ZNF540: variants seen among roughly 807,000 people sequenced by gnomAD.
ZNF540 encodes CTD-3064H18.6.
Under a neutral mutation model 11.8 loss-of-function variants are expected in ZNF540, and 3 were observed. That is an observed-to-expected ratio of 0.25 (90% CI 0.12 to 0.65). The LOEUF is 0.65. ZNF540 is among the 30% of genes least tolerant of loss of function. The probability of loss-of-function intolerance (pLI) is 0.83; values close to 1 mark genes in which losing one functional copy is unlikely to be tolerated. For missense variants in ZNF540, 709 were observed against 793.1 expected, an observed-to-expected ratio of 0.89 and a Z score of 1.27; for synonymous variants, 247 against 259.0, an observed-to-expected ratio of 0.95 and a Z score of 0.45.
chr19:37,565,366 C>T (rs1568340367), intron 1 of ZNF540: 1 of 1,613,784 alleles, frequency 6.2e-7, no homozygotes, highest in East Asian at 2.2e-5. Context: ...TATGAATTCT[C>T]TGATGTTCAT....
intron 4 of ZNF540, among the ~76,000 whole-genome samples, chr19:37,606,172 C>A (rs1446428638): frequency 6.6e-6 from 1 of 152,174 alleles, no homozygotes; most frequent in Non-Finnish European, 1.5e-5. Flanking sequence ...TGGGATCATG[C>A]AATGTACAGT....
At chr19:37,592,834 G>A (rs1002288387), upstream of ZNF540, among the ~76,000 whole-genome samples, 7 of 152,214 alleles carry the variant, frequency 4.6e-5, no homozygotes. Flanking sequence ...GCAGTATACA[G>A]AATATTCTAC....
intron 1 of ZNF540, chr19:37,560,305 A>T (rs190573815): frequency 2.6e-5 from 4 of 152,160 alleles, no homozygotes; most frequent in Admixed American, 6.5e-5. Flanking sequence ...AATATAAATA[A>T]AAATAAATTT....
chr19:37,588,061 C>A (rs1267379411), intron 1 of ZNF540, among the ~76,000 whole-genome samples: 3 of 131,410 alleles, frequency 2.3e-5, no homozygotes, highest in Non-Finnish European at 4.7e-5. Flanking sequence ...GATTGCGCCA[C>A]TGCACTCCAG....
chr19:37,564,817 CT>C (rs750083955), intron 1 of ZNF540: 1 of 1,613,822 alleles, frequency 6.2e-7, no homozygotes, highest in South Asian at 1.1e-5. Context: ...GAATAAAAGC[CT>C]TCCCACACTG....
chr19:37,607,939 G>A (rs527590506), intron 4 of ZNF540, among the ~76,000 whole-genome samples: 1 of 152,350 alleles, frequency 6.6e-6, no homozygotes, highest in East Asian at 1.9e-4. Flanking sequence ...ATGAATGAGA[G>A]TTCCTGTTGC....
intron 1 of ZNF540, among the ~76,000 whole-genome samples, chr19:37,572,383 T>C (rs1568347370): frequency 6.6e-6 from 1 of 152,258 alleles, no homozygotes. Context: ...TTCTGAATAG[T>C]ATGATGAAAT....
intron 1 of ZNF540, among the ~76,000 whole-genome samples, chr19:37,561,250 C>T (rs147628431): frequency 6.6e-6 from 1 of 151,760 alleles, no homozygotes; most frequent in East Asian, 1.9e-4. Flanking sequence ...AAAGACAAAA[C>T]CCTTATAAAA....
intron 2 of ZNF540, 38 bp from the exon 3 acceptor site, chr19:37,599,588 T>A: frequency 1.2e-6 from 2 of 1,613,212 alleles, no homozygotes; most frequent in Non-Finnish European, 1.7e-6. Context: ...ATACTTGTTC[T>A]GTAATTTCAC....
At chr19:37,559,046 C>T (rs1299647890) in intron 1 of ZNF540, among the ~76,000 whole-genome samples, 1 of 152,076 alleles carries the variant, frequency 6.6e-6, no homozygotes, top group Non-Finnish European at 1.5e-5. Flanking sequence ...TTTTCACTAA[C>T]TTGCCAAGGC....
intron 1 of ZNF540, among the ~76,000 whole-genome samples, chr19:37,568,885 A>C (rs2042961293): frequency 1.3e-5 from 2 of 152,046 alleles, no homozygotes; most frequent in Admixed American, 1.3e-4. Flanking sequence ...GTCCTACTGA[A>C]TATATCTCCT....
intron 1 of ZNF540, chr19:37,565,287 G>A: frequency 6.2e-7 from 1 of 1,611,044 alleles, no homozygotes; most frequent in East Asian, 2.2e-5. Flanking sequence ...ACTCTCAGGT[G>A]GTAAGTAAGT....
intron 4 of ZNF540, among the ~76,000 whole-genome samples, chr19:37,603,314 G>A (rs181561421): frequency 1.6e-3 from 249 of 152,222 alleles, no homozygotes; most frequent in African/African-American, 5.8e-3. Flanking sequence ...TCTATTTCAA[G>A]ATGTGAGATT....
At chr19:37,559,059 G>A (rs1400412871) in intron 1 of ZNF540, among the ~76,000 whole-genome samples, 2 of 151,922 alleles carry the variant, frequency 1.3e-5, no homozygotes, top group African/African-American at 4.8e-5. Flanking sequence ...GCCAAGGCTG[G>A]TCTCAAACTC....
At chr19:37,566,775 C>A (rs2042876145) in intron 1 of ZNF540, among the ~76,000 whole-genome samples, 1 of 152,150 alleles carries the variant, frequency 6.6e-6, no homozygotes, top group Non-Finnish European at 1.5e-5. Context: ...ATACAGCAGC[C>A]AGAGGAATTC....
At chr19:37,553,859 C>T (rs934353658) in intron 1 of ZNF540, among the ~76,000 whole-genome samples, 5 of 152,112 alleles carry the variant, frequency 3.3e-5, no homozygotes, top group African/African-American at 4.8e-5. Context: ...AACTCAATTA[C>T]TTTTTCAAGA....
intron 1 of ZNF540, chr19:37,565,422 T>TGTAAGGCTTTTCACCAGTATGAACTCTC: frequency 1.2e-6 from 2 of 1,612,996 alleles, no homozygotes; most frequent in Non-Finnish European, 1.7e-6. Context: ...TCTTTACATA[T>TGTAAGGCTTTTCACCAGTATGAACTCTC]GTAAGGCTTT....
intron 1 of ZNF540, chr19:37,555,881 G>A (rs1479509829): frequency 4.3e-6 from 3 of 700,608 alleles, no homozygotes; most frequent in Non-Finnish European, 2.6e-6. Context: ...AGGACGAGAA[G>A]CACGAGTTAT....
chr19:37,584,325 A>T (rs1384909627), intron 1 of ZNF540, among the ~76,000 whole-genome samples: 2 of 152,182 alleles, frequency 1.3e-5, no homozygotes, highest in African/African-American at 4.8e-5. Context: ...AGAATTTAAA[A>T]AGCCAGATGT....
Sources: allele counts gnomAD v4.1 joint callset (sites outside exome capture counted in the v4.1 genomes callset), GRCh38; gene constraint gnomAD v4.1.1; transcripts MANE v1.5; gene names NCBI Gene and HGNC (gene_info 2026-07-23, HGNC 2026-07-21).